Variants in PLD5 observed in about 807,000 individuals in gnomAD.
The protein encoded by PLD5 is phospholipase D family member 5.
Under a neutral mutation model 61.1 loss-of-function variants are expected in PLD5, and 36 were observed. The ratio of observed to expected loss-of-function variants is 0.59; its 90% CI spans 0.45 to 0.78. The LOEUF (loss-of-function observed/expected upper bound fraction) is 0.78, where lower values mean the gene tolerates loss of function less well. PLD5 is among the 30% of genes least tolerant of loss of function. PLD5 has a pLI of 0.00. For missense variants in PLD5, 515 were observed against 644.4 expected, an observed-to-expected ratio of 0.80 and a Z score of 2.17; for synonymous variants, 243 against 242.8, an observed-to-expected ratio of 1.00 and a Z score of -0.01.
In PLD5 at chr1:242,463,446, C is replaced by T. The variant is rs147551184; in HGVS notation, c.189+60642G>A. On this transcript the variant is annotated intron_variant, in intron 1 of 9. Coordinates refer to ENST00000536534, the MANE Select transcript of PLD5 (RefSeq NM_001372062.1). ...CGGACTCCTAATGTTCCCAAGCAGT[C>T]GTGCTTCTTATCTCTACTCCATTCA... is the stretch of plus-strand genomic sequence containing the variant. Among the ~76,000 whole-genome samples, 40 of 152,288 alleles carry T rather than the reference C, an allele frequency of 2.6e-4. 1 individual carries two copies. In the East Asian group the frequency reaches 5.2e-3, roughly 20 times the overall value.
Position 242,097,444 on chromosome 1 carries a change from A to G in PLD5, c.1354+3224T>C, listed in dbSNP as rs986144533. Among the ~76,000 whole-genome samples the G allele has an allele frequency of 8.5e-4, 129 of 152,310 alleles. 1 individual carries two copies. The highest frequency in any genetic ancestry group is 3.1e-3 in the African/African-American group (127 of 41,568). ...CTGACTTTTTAATGATTGCCATTCT[A>G]ACTGGGGTGAGATGGTATCTCATTG... On this transcript the variant is annotated intron_variant, in intron 9 of 9. Transcript: ENST00000536534.
At chr1:242,529,114 T>C (rs1339349571), upstream of PLD5, among the ~76,000 whole-genome samples, 1 of 152,156 alleles carries the variant, frequency 6.6e-6, no homozygotes, top group East Asian at 1.9e-4. Context: ...AATTATAGGA[T>C]TATTTCTGTA....
intron 1 of PLD5, among the ~76,000 whole-genome samples, chr1:242,383,721 C>A (rs926552474): frequency 6.6e-6 from 1 of 152,094 alleles, no homozygotes; most frequent in East Asian, 1.9e-4. Context: ...AATCAAGATT[C>A]TTTAATTTGA....
chr1:242,360,624 C>T (rs1290144278), intron 1 of PLD5, among the ~76,000 whole-genome samples: 2 of 151,996 alleles, frequency 1.3e-5, no homozygotes, highest in Non-Finnish European at 2.9e-5. Context: ...TTGTATCATG[C>T]TGTAATTAAG....
chr1:242,230,155 GAAGCCCTGCATTA>G (rs1056976062), intron 4 of PLD5, among the ~76,000 whole-genome samples: 2 of 152,196 alleles, frequency 1.3e-5, no homozygotes, highest in African/African-American at 4.8e-5. Context: ...TCAAGGGTGA[GAAGCCCTGCATTA>G]AAGCTGCGTG....
chr1:242,369,611 G>A (rs1391340219), intron 1 of PLD5, among the ~76,000 whole-genome samples: 1 of 152,186 alleles, frequency 6.6e-6, no homozygotes, highest in Admixed American at 6.5e-5. Flanking sequence ...ATCAGGAAGA[G>A]AGAGGTTTTG....
chr1:242,520,385 T>C (rs896348024), intron 1 of PLD5, among the ~76,000 whole-genome samples: 7 of 152,162 alleles, frequency 4.6e-5, no homozygotes, highest in African/African-American at 1.7e-4. Flanking sequence ...ACTACAGACA[T>C]GGATTGTCTT....
intron 1 of PLD5, among the ~76,000 whole-genome samples, chr1:242,486,131 A>T (rs994582468): frequency 4.6e-5 from 7 of 152,068 alleles, no homozygotes; most frequent in African/African-American, 1.7e-4. Flanking sequence ...AACCTAGGCA[A>T]TACCATTCAG....
intron 5 of PLD5, among the ~76,000 whole-genome samples, chr1:242,141,603 G>A (rs116605167): frequency 2.9e-3 from 443 of 151,858 alleles, no homozygotes; most frequent in Middle Eastern, 0.01. Flanking sequence ...GTGTTTTTAC[G>A]TCTGTTTTGT....
chr1:242,396,673 C>CT (rs1202041198), intron 1 of PLD5, among the ~76,000 whole-genome samples: 3,584 of 129,464 alleles, frequency 0.028, 69 homozygotes, highest in African/African-American at 0.053. Context: ...CTTTTCTTTT[C>CT]TTTTTTTTTT....
chr1:242,199,488 C>T lies in PLD5; in HGVS notation c.735+20500G>A, dbSNP rs113560786. Reference sequence around the variant, plus strand: ...CAGGCTGTTCTTGAACTCCTGGCCTCAAGTGATCTGCCTGCCTCGGCCTCC... The same window carrying T: ...CAGGCTGTTCTTGAACTCCTGGCCTTAAGTGATCTGCCTGCCTCGGCCTCC... On this transcript the variant is annotated intron_variant, in intron 5 of 9. Transcript: ENST00000536534. Among the ~76,000 whole-genome samples the T allele has an allele frequency of 3.4e-3, 517 of 152,272 alleles. 7 individuals carry two copies. Among genetic ancestry groups the T allele is most frequent in the African/African-American group, 0.011 (458 of 41,534 alleles).
At chr1:242,091,755 C>T (rs2148646597) in intron 9 of PLD5, among the ~76,000 whole-genome samples, 1 of 152,240 alleles carries the variant, frequency 6.6e-6, no homozygotes, top group African/African-American at 2.4e-5. Flanking sequence ...CACCACATCC[C>T]TCCACTTGCT....
intron 4 of PLD5, among the ~76,000 whole-genome samples, chr1:242,239,953 G>T (rs1316185140): frequency 6.6e-6 from 1 of 151,564 alleles, no homozygotes; most frequent in Non-Finnish European, 1.5e-5. Flanking sequence ...GCTGCATGCA[G>T]CTTCTCCTGG....
chr1:242,411,104 C>A (rs1664524799), intron 1 of PLD5, among the ~76,000 whole-genome samples: 1 of 152,154 alleles, frequency 6.6e-6, no homozygotes, highest in African/African-American at 2.4e-5. Context: ...CAGAAAGAAT[C>A]ATAAAATTAT....
At chr1:242,399,781 G>A (rs921169900) in intron 1 of PLD5, among the ~76,000 whole-genome samples, 1 of 152,120 alleles carries the variant, frequency 6.6e-6, no homozygotes, top group South Asian at 2.1e-4. Flanking sequence ...CCTGAGCTCC[G>A]CCTCCTGTCA....
chr1:242,510,275 C>G (rs986549761), intron 1 of PLD5, among the ~76,000 whole-genome samples: 2 of 152,006 alleles, frequency 1.3e-5, no homozygotes, highest in African/African-American at 2.4e-5. Context: ...CCACGGAATA[C>G]GAATGGAATT....
intron 5 of PLD5, among the ~76,000 whole-genome samples, chr1:242,209,812 T>G (rs1046483125): frequency 6.6e-6 from 1 of 152,206 alleles, no homozygotes; most frequent in Non-Finnish European, 1.5e-5. Context: ...TGTTCATCTT[T>G]GAGATGGAGT....
At chr1:242,445,634 G>A (rs747227621) in intron 1 of PLD5, among the ~76,000 whole-genome samples, 2 of 151,958 alleles carry the variant, frequency 1.3e-5, no homozygotes, top group Non-Finnish European at 2.9e-5. Context: ...GAGCCACCGC[G>A]CCTGGCAAAT....
chr1:242,463,770 G>GA (rs35135217), intron 1 of PLD5, among the ~76,000 whole-genome samples: 103,422 of 150,460 alleles, frequency 0.69, 36,207 homozygotes, highest in African/African-American at 0.82. Flanking sequence ...CCTCTTCTAT[G>GA]AAAAAAAAAT....
Sources: gnomAD v4.1 joint callset for allele counts (sites outside exome capture counted in the v4.1 genomes callset) on GRCh38, gnomAD v4.1.1 for gene constraint, MANE v1.5 for transcripts, NCBI Gene and HGNC (gene_info 2026-07-23, HGNC 2026-07-21) for gene names.